The following SETMAR variants were observed in gnomAD, a reference collection of about 807,000 sequenced individuals.
SETMAR encodes the protein histone-lysine N-methyltransferase SETMAR.
SETMAR carries 44 observed loss-of-function variants against 58.4 expected under a neutral mutation model. The observed-to-expected ratio is 0.75, with a 90% CI of 0.59 to 0.97. The LOEUF is 0.97. SETMAR is among the 50% of genes least tolerant of loss of function. The probability of loss-of-function intolerance (pLI) is 0.00; values close to 1 mark genes in which losing one functional copy is unlikely to be tolerated. For missense variants in SETMAR, 903 were observed against 840.2 expected (o/e 1.07, Z -0.92); for synonymous variants, 332 against 307.4 (o/e 1.08, Z -0.84).
At chr3:4,309,525 A>ATT (rs1368443425) in intron 1 of SETMAR, among the ~76,000 whole-genome samples, 1 of 152,166 alleles carries the variant, frequency 6.6e-6, no homozygotes, top group Non-Finnish European at 1.5e-5. Flanking sequence ...CAAAAAAGGG[A>ATT]AGGAATTGCC....
chr3:4,312,845 A>G, intron 1 of SETMAR, 53 bp from the exon 2 acceptor site: 3 of 1,535,018 alleles, frequency 2.0e-6, no homozygotes, highest in Admixed American at 2.1e-5. Flanking sequence ...CTTGGAATAT[A>G]TAGGAAATAT....
Position 4,312,088 on chromosome 3 carries a change from T to G in SETMAR, c.157-810T>G, listed in dbSNP as rs373302753. Among the ~76,000 whole-genome samples the G allele has an allele frequency of 2.6e-4, 39 of 152,338 alleles. No homozygotes were observed. In the South Asian group the frequency reaches 3.3e-3, roughly 13 times the overall value. On this transcript the variant is annotated intron_variant, in intron 1 of 2. Coordinates refer to ENST00000358065, the MANE Select transcript of SETMAR (RefSeq NM_006515.4). Reference sequence around the variant, plus strand: ...ATTCCTTTCTTATTTAATTAGAATTTCTTTACAAGTGTATATCTTTAATAA... The same window carrying G: ...ATTCCTTTCTTATTTAATTAGAATTGCTTTACAAGTGTATATCTTTAATAA...
intron 1 of SETMAR, among the ~76,000 whole-genome samples, chr3:4,306,055 G>A (rs984329232): frequency 3.9e-5 from 6 of 152,062 alleles, no homozygotes; most frequent in Admixed American, 1.3e-4. Flanking sequence ...TGGTGGGTTG[G>A]GCTGCAAAGA....
At chr3:4,311,357 A>T (rs1030224193) in intron 1 of SETMAR, among the ~76,000 whole-genome samples, 3 of 152,200 alleles carry the variant, frequency 2.0e-5, no homozygotes, top group Non-Finnish European at 2.9e-5. Flanking sequence ...TGGTGCAAAC[A>T]TTCCTTCAGG....
chr3:4,303,837 T>G, intron 1 of SETMAR: 1 of 1,345,534 alleles, frequency 7.4e-7, no homozygotes, highest in Non-Finnish European at 9.8e-7. Flanking sequence ...GGGGGAGTCA[T>G]TTACCTCCCT....
At position 4,316,510 on chromosome 3, in the gene SETMAR, A is replaced by G. The variant is rs1183015837; in HGVS notation, c.1319A>G (p.His440Arg). The change falls in exon 3 of 3, where the codon CAT (histidine) becomes CGT (arginine). Residue 440 changes from histidine (H) to arginine (R), a missense_variant. By Grantham distance (29) the His-to-Arg change is conservative. Transcript: ENST00000358065. ...GTTGCTGAAGAACTCAATGTCAACC[A>G]TTCTACGGTCGTTCGACATTTGAAG... Reference protein sequence around the residue: ...REVAEELNVNHSTVVRHLKQI... With the variant: ...REVAEELNVNRSTVVRHLKQI... The G allele has an allele frequency of 3.1e-6, 5 of 1,594,808 alleles. No homozygotes were observed. Among genetic ancestry groups the G allele is most frequent in the African/African-American group, 2.7e-5 (2 of 74,556 alleles).
Position 4,303,385 on chromosome 3 carries a change from G to C in SETMAR, c.15G>C (p.Ala5=). The C allele has an allele frequency of 6.4e-7, 1 of 1,555,116 alleles. No homozygotes were observed. Among genetic ancestry groups the C allele is most frequent in the Admixed American group, 1.9e-5 (1 of 51,432 alleles). MFAE[A]AKTTRPCGMA... Reference sequence around the variant, plus strand: ...GAGGCGGGTAAATGTTCGCGGAAGCGGCAAAGACGACACGGCCTTGTGGGA... The same window carrying C: ...GAGGCGGGTAAATGTTCGCGGAAGCCGCAAAGACGACACGGCCTTGTGGGA... The change falls in exon 1 of 3, where the codon GCG becomes GCC. Residue 5 remains alanine, a synonymous_variant. Coordinates refer to ENST00000358065, the MANE Select transcript of SETMAR (RefSeq NM_006515.4).
At position 4,316,574 on chromosome 3, in the gene SETMAR, T is replaced by G. The variant is rs1376818065; in HGVS notation, c.1383T>G (p.Pro461=). The change falls in exon 3 of 3, where the codon CCT becomes CCG. Residue 461 remains proline, a synonymous_variant. Coordinates refer to ENST00000358065, the MANE Select transcript of SETMAR (RefSeq NM_006515.4). ...TGAAAAAGCTCGATAAGTGGGTGCC[T>G]CATGAGCTGACTGAAAATCAAAAAA... The part of the protein sequence containing the change: ...GKVKKLDKWV[P]HELTENQKNR... 1.3e-6 allele frequency: 2 copies of G among 1,552,466 alleles called. No individual in the cohort carries two copies. The highest frequency in any genetic ancestry group is 2.4e-5 in the East Asian group (1 of 41,056).
rs1698693391 is a variant in SETMAR at position 4,317,095 on chromosome 3, A to G, written c.1904A>G (p.Gln635Arg). 2 of 1,547,892 alleles carry G rather than the reference A, an allele frequency of 1.3e-6. No individual in the cohort carries two copies. The highest frequency in any genetic ancestry group is 2.4e-5 in the East Asian group (1 of 40,928). Residue 635 changes from glutamine (Q) to arginine (R), a missense_variant, in exon 3 of 3, where the codon CAG becomes CGG. Coordinates refer to ENST00000358065, the MANE Select transcript of SETMAR (RefSeq NM_006515.4). ...HVFKHLNNFL[Q>R]GKRFHNQQDA... ...TTTAAGCATCTCAACAACTTTTTGC[A>G]GGGAAAACGCTTCCACAACCAGCAG...
intron 1 of SETMAR, chr3:4,303,818 G>A (rs1396371570): frequency 7.3e-7 from 1 of 1,374,240 alleles, no homozygotes; most frequent in South Asian, 1.2e-5. Flanking sequence ...AACTCAAGGA[G>A]GCATCACGGG....
intron 1 of SETMAR, among the ~76,000 whole-genome samples, chr3:4,311,147 C>T (rs909095917): frequency 1.3e-5 from 2 of 152,182 alleles, no homozygotes; most frequent in African/African-American, 4.8e-5. Flanking sequence ...CCCACAGGTC[C>T]TCCCACTGGT....
In SETMAR at chr3:4,317,046, C is replaced by T; in HGVS notation, c.1855C>T (p.Leu619Phe). 1 of 1,549,346 alleles carries T rather than the reference C, an allele frequency of 6.5e-7. No homozygotes were observed. The highest frequency in any genetic ancestry group is 1.4e-5 in the African/African-American group (1 of 73,062). The change falls in exon 3 of 3, where the codon CTC (leucine) becomes TTC (phenylalanine). Residue 619 changes from leucine to phenylalanine, a missense_variant. Leu to Phe is a conservative substitution (Grantham distance 22). Transcript: ENST00000358065. ...VLPHPPYSPD[L>F]LPTNYHVFKH... ...GCCTCATCCACCGTATTCACCTGAC[C>T]TCTTGCCAACCAACTACCACGTCTT... is the stretch of plus-strand genomic sequence containing the variant.
intron 1 of SETMAR, among the ~76,000 whole-genome samples, chr3:4,310,776 A>C (rs369754817): frequency 6.7e-6 from 1 of 149,560 alleles, no homozygotes; most frequent in African/African-American, 2.4e-5. Context: ...TATCCATGTC[A>C]AAAAAAAAAC....
rs1321352209 is a variant in SETMAR, at chr3:4,317,118, C to T, written c.1927C>T (p.Gln643Ter). 1.2e-5 allele frequency: 19 copies of T among 1,543,824 alleles called. No homozygotes were observed. Among genetic ancestry groups the T allele is most frequent in the Admixed American group, 3.9e-5 (2 of 50,966 alleles). ...FLQGKRFHNQ[Q>*]DAENAFQEFV... Reference sequence around the variant, plus strand: ...GCAGGGAAAACGCTTCCACAACCAGCAGGATGCAGAAAATGCTTTCCAAGA... The same window carrying T: ...GCAGGGAAAACGCTTCCACAACCAGTAGGATGCAGAAAATGCTTTCCAAGA... The change falls in exon 3 of 3, where the codon CAG (glutamine) becomes TAG (stop). Residue 643 changes from glutamine (Q) to a stop codon, truncating the protein, a stop_gained. Transcript: ENST00000358065. LOFTEE classifies it high-confidence loss of function.
At chr3:4,308,680 T>C (rs1465818869) in intron 1 of SETMAR, among the ~76,000 whole-genome samples, 1 of 152,232 alleles carries the variant, frequency 6.6e-6, no homozygotes, top group Non-Finnish European at 1.5e-5. Context: ...GAGCATTCCA[T>C]GTTCTGCACT....
chr3:4,315,315 G>T (rs1238913242), intron 2 of SETMAR, among the ~76,000 whole-genome samples: 1 of 152,202 alleles, frequency 6.6e-6, no homozygotes, highest in Non-Finnish European at 1.5e-5. Context: ...TATGGAAGTG[G>T]TTAGAAGGAA....
chr3:4,306,390 G>A (rs749090442), intron 1 of SETMAR, among the ~76,000 whole-genome samples: 8 of 151,738 alleles, frequency 5.3e-5, no homozygotes, highest in South Asian at 2.1e-4. Context: ...AAATAAATAC[G>A]TCTATTTTTA....
In SETMAR at chr3:4,303,501, C is replaced by CG; in HGVS notation, c.136dup (p.Ala46GlyfsTer11). The CG allele has an allele frequency of 6.9e-7, 1 of 1,452,582 alleles. No individual in the cohort carries two copies. The highest frequency in any genetic ancestry group is 9.0e-7 in the Non-Finnish European group (1 of 1,107,982). 90.0% of individuals were successfully genotyped at this position (1,452,582 alleles called of 1,614,324 possible). On this transcript the variant is annotated frameshift_variant, in exon 1 of 3. Transcript: ENST00000358065. LOFTEE classifies it high-confidence loss of function. ...AACTTGCCGGTGGGCGCGTGGCCCCCGGGGGCCGCGCCGGCGCCCTTCCAG... is the reference window on the plus strand; with the variant it reads ...AACTTGCCGGTGGGCGCGTGGCCCCCGGGGGGCCGCGCCGGCGCCCTTCCAG...
intron 2 of SETMAR, 156 bp downstream of exon 2, chr3:4,313,917 T>C (rs1042207934): frequency 1.5e-6 from 2 of 1,348,360 alleles, no homozygotes; most frequent in Non-Finnish European, 2.0e-6. Context: ...TGTAATAGAA[T>C]TCTCCATTTA....
Sources: gnomAD v4.1 joint callset for allele counts (sites outside exome capture counted in the v4.1 genomes callset) on GRCh38, gnomAD v4.1.1 for gene constraint, MANE v1.5 for transcripts, NCBI Gene and HGNC (gene_info 2026-07-23, HGNC 2026-07-21) for gene names.